RNF123: variants seen among roughly 807,000 people sequenced by gnomAD.
The protein encoded by RNF123 is E3 ubiquitin-protein ligase RNF123.
Under a neutral mutation model 168.5 loss-of-function variants are expected in RNF123, and 86 were observed. The ratio of observed to expected loss-of-function variants is 0.51; its 90% CI spans 0.43 to 0.61. The LOEUF (loss-of-function observed/expected upper bound fraction) is 0.61. RNF123 is among the 20% of genes least tolerant of loss of function. The probability of loss-of-function intolerance (pLI) is 0.00; values close to 1 mark genes in which losing one functional copy is unlikely to be tolerated. For synonymous variants in RNF123, 666 were observed against 689.1 expected, an observed-to-expected ratio of 0.97 and a Z score of 0.52; for missense variants, 1,419 against 1,729.7, an observed-to-expected ratio of 0.82 and a Z score of 3.19.
intron 3 of RNF123, among the ~76,000 whole-genome samples, chr3:49,691,943 T>C (rs1559667878): frequency 6.6e-6 from 1 of 152,246 alleles, no homozygotes; most frequent in Non-Finnish European, 1.5e-5. Flanking sequence ...TACAAGTACA[T>C]TTTAGCAGAA....
chr3:49,712,297 C>T lies in RNF123; in HGVS notation c.2497-182C>T, dbSNP rs111652965. ...AGTAATGCGCCCTCCAGGCTGAGTG[C>T]GTCCCTCTTGCCTGCTGAGGACTTG... On this transcript the variant is annotated intron_variant, in intron 26 of 38. Coordinates refer to ENST00000327697, the MANE Select transcript of RNF123 (RefSeq NM_022064.5). Among the ~76,000 whole-genome samples the T allele has an allele frequency of 7.9e-5, 12 of 152,214 alleles. No homozygotes were observed. In the South Asian group the frequency reaches 2.3e-3, roughly 29 times the overall value.
chr3:49,699,834 G>A lies in RNF123; in HGVS notation c.984+62G>A, dbSNP rs564946178. ...ACAGGCCATGCTAGACACGCCCGTG[G>A]TAGATGTGCCCTCACTGAGGGCTGC... On this transcript the variant is annotated intron_variant, in intron 12 of 38. Transcript: ENST00000327697. The surrounding 1 kb of genome is among the most constrained non-coding windows in gnomAD (Gnocchi z 4.8). The A allele has an allele frequency of 1.3e-6, 2 of 1,527,802 alleles. No homozygotes were observed. The highest frequency in any genetic ancestry group is 1.4e-5 in the African/African-American group (1 of 73,268). 94.6% of individuals were successfully genotyped at this position (1,527,802 alleles called of 1,614,324 possible). A position where few individuals can be genotyped will look rare whatever the true frequency, so the allele number is the denominator to read the frequency against.
intron 8 of RNF123, 92 bp from the exon 9 acceptor site, chr3:49,698,663 C>A: frequency 1.3e-6 from 2 of 1,546,498 alleles, no homozygotes; most frequent in Admixed American, 1.7e-5. Context: ...TGTGGCTAGT[C>A]TCCCTTGGGT....
rs1414657728 is a variant in RNF123, at chr3:49,720,663, C to T, written c.3643+10C>T. The T allele has an allele frequency of 1.3e-6, 2 of 1,595,796 alleles. No individual in the cohort carries two copies. Among genetic ancestry groups the T allele is most frequent in the Non-Finnish European group, 1.7e-6 (2 of 1,166,916 alleles). On this transcript the variant is annotated intron_variant, in intron 36 of 38. Transcript: ENST00000327697. ...TTCTCCCTGCAGAGCTGTGAGTGGG[C>T]TGGTGGGGCAGGTCAGGGAAATCTG...
intron 27 of RNF123, chr3:49,713,217 A>AGCTGTGAGTGCCCAAGGAGCTTTG: frequency 3.4e-6 from 2 of 589,404 alleles, no homozygotes; most frequent in Non-Finnish European, 6.0e-6. Context: ...TCAAAGACAG[A>AGCTGTGAGTGCCCAAGGAGCTTTG]GCTGTGAGTG....
In RNF123 at chr3:49,691,172, T is replaced by G; in HGVS notation, c.7T>G (p.Ser3Ala). Residue 3 changes from serine to alanine, a missense_variant, in exon 2 of 39, where the codon TCC (serine) becomes GCC (alanine). Transcript: ENST00000327697. The part of the protein sequence containing the change: MA[S>A]KGAGMSFSRK... ...TGCCCATGAGAGATGAAGGATGGCA[T>G]CCAAGGGGGCCGGCATGTCTTTCTC... 1 of 1,613,778 alleles carries G rather than the reference T, an allele frequency of 6.2e-7. No individual in the cohort carries two copies. Among genetic ancestry groups the G allele is most frequent in the Non-Finnish European group, 8.5e-7 (1 of 1,179,760 alleles).
At chr3:49,718,149 T>C (rs2108203393) in intron 35 of RNF123, 1 of 1,613,066 alleles carries the variant, frequency 6.2e-7, no homozygotes, top group East Asian at 2.2e-5. Flanking sequence ...CGTCTGGCGG[T>C]GTGGTGCTGA....
chr3:49,702,200 G>T, intron 18 of RNF123, 56 bp downstream of exon 18: 2 of 1,600,088 alleles, frequency 1.2e-6, no homozygotes, highest in Non-Finnish European at 1.7e-6. Context: ...TGCTGCACTG[G>T]GCCTTAAGAC....
At chr3:49,693,083 C>CT (rs1480451874) in intron 3 of RNF123, among the ~76,000 whole-genome samples, 1 of 146,490 alleles carries the variant, frequency 6.8e-6, no homozygotes, top group African/African-American at 2.5e-5. Flanking sequence ...GAGTCTTGCT[C>CT]TGTTGCCCAG....
intron 15 of RNF123, 53 bp downstream of exon 15, chr3:49,700,762 A>T (rs570665587): frequency 1.3e-6 from 2 of 1,577,774 alleles, no homozygotes; most frequent in East Asian, 4.5e-5. Flanking sequence ...CTCTGGACTC[A>T]GCAGAGGCCA....
chr3:49,715,387 G>GTTA (rs2080218542), intron 31 of RNF123, 188 bp from the exon 32 acceptor site: 1 of 670,402 alleles, frequency 1.5e-6, no homozygotes, highest in East Asian at 2.7e-5. Context: ...AGTAGAAGGA[G>GTTA]GGGACAGATT....
chr3:49,699,304 A>G lies in RNF123; in HGVS notation c.765-164A>G, dbSNP rs1319283103. On this transcript the variant is annotated intron_variant, in intron 10 of 38. Transcript: ENST00000327697. This position sits in a 1 kb window ranked among gnomAD's most constrained non-coding sequence, Gnocchi z 4.8. ...TTGGGTGCCCTTGTCTCCACTGAAC[A>G]GATGAGGAATGTGAAGCATCCTCCC... Among the ~76,000 whole-genome samples, 1 of 152,098 alleles carries G rather than the reference A, an allele frequency of 6.6e-6. No homozygotes were observed. Among genetic ancestry groups the G allele is most frequent in the South Asian group, 2.1e-4 (1 of 4,832 alleles).
intron 22 of RNF123, 54 bp downstream of exon 22, chr3:49,704,810 A>T: frequency 6.7e-7 from 1 of 1,494,886 alleles, no homozygotes; most frequent in Non-Finnish European, 9.0e-7. Flanking sequence ...CCTGTATCTT[A>T]TGGGCAGGGG....
rs2080243985 is a variant in RNF123, at chr3:49,716,321, C to T, written c.3416-72C>T. 18 of 1,554,624 alleles carry T rather than the reference C, an allele frequency of 1.2e-5. No homozygotes were observed. In the South Asian group the frequency reaches 1.9e-4, roughly 17 times the overall value. On this transcript the variant is annotated intron_variant, in intron 34 of 38. Transcript: ENST00000327697. ...TCGGCTCACCCTTCTGTAGAGAGGGCAGTGGGCAGGCCTGGAGCCCTTGAA... is the reference window on the plus strand; with the variant it reads ...TCGGCTCACCCTTCTGTAGAGAGGGTAGTGGGCAGGCCTGGAGCCCTTGAA...
At chr3:49,718,829 C>A (rs1446202911) in intron 35 of RNF123, 2 of 1,613,414 alleles carry the variant, frequency 1.2e-6, no homozygotes, top group East Asian at 4.5e-5. Flanking sequence ...AAGTAGAGGC[C>A]GTTCTTGAGG....
intron 24 of RNF123, 62 bp downstream of exon 24, chr3:49,705,741 A>C: frequency 6.2e-7 from 1 of 1,607,362 alleles, no homozygotes; most frequent in Non-Finnish European, 8.5e-7. Context: ...TTGTGTGTGT[A>C]TTCCTGTGTG....
At chr3:49,714,949 G>A (rs371028552) in intron 31 of RNF123, among the ~76,000 whole-genome samples, 1 of 152,262 alleles carries the variant, frequency 6.6e-6, no homozygotes, top group Non-Finnish European at 1.5e-5. Context: ...CGTCCAGGGC[G>A]GAACTGAGCT....
chr3:49,691,548 C>T, intron 3 of RNF123, 39 bp downstream of exon 3: 1 of 1,538,892 alleles, frequency 6.5e-7, no homozygotes, highest in Non-Finnish European at 9.0e-7. Context: ...CTCTGCTGGG[C>T]CAGACCAGAA....
Position 49,715,999 on chromosome 3 carries a change from C to T in RNF123, c.3328C>T (p.Arg1110Cys), listed in dbSNP as rs764220503. The T allele has an allele frequency of 3.7e-6, 6 of 1,613,856 alleles. No homozygotes were observed. Among genetic ancestry groups the T allele is most frequent in the East Asian group, 2.2e-5 (1 of 44,904 alleles). The change falls in exon 33 of 39, where the codon CGT (arginine) becomes TGT (cysteine). Residue 1110 changes from arginine (R) to cysteine (C), a missense_variant. Arg to Cys is a radical substitution (Grantham distance 180). Coordinates refer to ENST00000327697, the MANE Select transcript of RNF123 (RefSeq NM_022064.5). Reference protein sequence around the residue: ...TRPTSEMLLRRLAQLLNQVLN... With the variant: ...TRPTSEMLLRCLAQLLNQVLN... ...GCCTACCTCTGAGATGCTGCTGCGG[C>T]GTCTTGCACAGGTGTGGCCATCTGG...
Sources: gnomAD v4.1 joint callset for allele counts (sites outside exome capture counted in the v4.1 genomes callset) on GRCh38, gnomAD v4.1.1 for gene constraint, Gnocchi (gnomAD v3.1) non-coding constraint, MANE v1.5 for transcripts, NCBI Gene and HGNC (gene_info 2026-07-23, HGNC 2026-07-21) for gene names.